BICC1: variants seen among roughly 807,000 people sequenced by gnomAD.
BICC1 encodes the protein BicC family RNA binding protein 1.
BICC1 carries 43 observed loss-of-function variants against 111.0 expected under a neutral mutation model. The observed-to-expected ratio is 0.39, with a 90% CI of 0.30 to 0.50. The LOEUF (loss-of-function observed/expected upper bound fraction) is 0.50, where lower values mean the gene tolerates loss of function less well. Among genes scored for constraint, BICC1 ranks in the 20% least tolerant of loss-of-function variants. BICC1 has a pLI of 0.88. For synonymous variants in BICC1, 467 were observed against 434.4 expected (o/e 1.07, Z -0.93); for missense variants, 1,091 against 1,203.2 (o/e 0.91, Z 1.38).
intron 1 of BICC1, among the ~76,000 whole-genome samples, chr10:58,620,636 G>C (rs181430325): frequency 6.6e-6 from 1 of 152,136 alleles, no homozygotes; most frequent in Non-Finnish European, 1.5e-5. Context: ...TTCAGACAAA[G>C]CAAAAGAGTG....
chr10:58,795,152 A>G (rs1843313007), intron 9 of BICC1, among the ~76,000 whole-genome samples: 1 of 152,170 alleles, frequency 6.6e-6, no homozygotes, highest in Non-Finnish European at 1.5e-5. Flanking sequence ...AAATAACACC[A>G]TTTTTAAATT....
intron 2 of BICC1, among the ~76,000 whole-genome samples, chr10:58,658,210 CAG>C (rs1311919108): frequency 1.3e-5 from 2 of 152,202 alleles, no homozygotes; most frequent in African/African-American, 2.4e-5. Flanking sequence ...TTTTTTGAGA[CAG>C]AGTCTCAGTC....
intron 1 of BICC1, among the ~76,000 whole-genome samples, chr10:58,608,301 C>T (rs1482949791): frequency 6.6e-6 from 1 of 152,206 alleles, no homozygotes; most frequent in Non-Finnish European, 1.5e-5. Context: ...TGTTCGCCAG[C>T]TTACGGGATT....
At chr10:58,518,374 A>G (rs187773492) in intron 1 of BICC1, among the ~76,000 whole-genome samples, 7 of 152,146 alleles carry the variant, frequency 4.6e-5, no homozygotes, top group Admixed American at 3.9e-4. Flanking sequence ...TAATAGTCCT[A>G]CTTTACGGTG....
intron 1 of BICC1, among the ~76,000 whole-genome samples, chr10:58,613,196 G>T (rs1466959849): frequency 6.6e-6 from 1 of 152,154 alleles, no homozygotes; most frequent in Non-Finnish European, 1.5e-5. Context: ...CCGGAGTTGT[G>T]TGTCATGAAA....
intron 2 of BICC1, among the ~76,000 whole-genome samples, chr10:58,634,203 G>C (rs150091440): frequency 1.1e-4 from 17 of 152,090 alleles, no homozygotes; most frequent in African/African-American, 4.1e-4. Flanking sequence ...ATGTTAGCCA[G>C]ACTGTTCTCA....
intron 3 of BICC1, among the ~76,000 whole-genome samples, chr10:58,773,359 T>G (rs912239395): frequency 6.6e-6 from 1 of 152,194 alleles, no homozygotes; most frequent in Non-Finnish European, 1.5e-5. Flanking sequence ...GGGTGTTGTG[T>G]CAGTCTCACT....
chr10:58,758,102 C>T (rs908088642), intron 3 of BICC1, among the ~76,000 whole-genome samples: 1 of 152,108 alleles, frequency 6.6e-6, no homozygotes, highest in Non-Finnish European at 1.5e-5. Context: ...TAAAGTCATC[C>T]TATGAATGAT....
intron 3 of BICC1, among the ~76,000 whole-genome samples, chr10:58,743,876 A>C (rs1048215307): frequency 6.6e-6 from 1 of 151,626 alleles, no homozygotes; most frequent in Admixed American, 6.6e-5. Context: ...GCCAGACTTT[A>C]AGGCAGTGTT....
At chr10:58,801,889 C>CT (rs538939719) in intron 14 of BICC1, among the ~76,000 whole-genome samples, 4 of 152,078 alleles carry the variant, frequency 2.6e-5, no homozygotes, top group Non-Finnish European at 5.9e-5. Flanking sequence ...TCATTATAGG[C>CT]TAGAGAAACA....
intron 1 of BICC1, among the ~76,000 whole-genome samples, chr10:58,603,985 A>C (rs978900698): frequency 9.2e-5 from 14 of 152,160 alleles, no homozygotes; most frequent in Non-Finnish European, 1.6e-4. Flanking sequence ...AAATAAGTTC[A>C]GATCTATATT....
chr10:58,802,870 G>A (rs1232156368), intron 14 of BICC1, among the ~76,000 whole-genome samples: 2 of 152,178 alleles, frequency 1.3e-5, no homozygotes, highest in East Asian at 1.9e-4. Context: ...CACATTAGAG[G>A]TATGACCTTG....
chr10:58,570,551 T>G (rs1843916670), intron 1 of BICC1, among the ~76,000 whole-genome samples: 1 of 152,114 alleles, frequency 6.6e-6, no homozygotes, highest in Non-Finnish European at 1.5e-5. Flanking sequence ...AGATGCAGAG[T>G]TACTTACTTC....
At chr10:58,552,035 A>G (rs1564484176) in intron 1 of BICC1, among the ~76,000 whole-genome samples, 1 of 151,292 alleles carries the variant, frequency 6.6e-6, no homozygotes, top group Non-Finnish European at 1.5e-5. Flanking sequence ...TTTAATGCTC[A>G]TTTTGTGTGC....
chr10:58,621,498 T>G (rs1845805039), intron 2 of BICC1, among the ~76,000 whole-genome samples: 1 of 140,898 alleles, frequency 7.1e-6, no homozygotes, highest in South Asian at 2.3e-4. Context: ...GGGGCAGGCT[T>G]AGCAACAAGG....
chr10:58,658,736 C>T (rs1291871860), intron 2 of BICC1, among the ~76,000 whole-genome samples: 1 of 152,034 alleles, frequency 6.6e-6, no homozygotes, highest in Non-Finnish European at 1.5e-5. Flanking sequence ...AGTAGGAGAC[C>T]TTTCAGGTTG....
At chr10:58,749,741 C>G (rs1411292836) in intron 3 of BICC1, among the ~76,000 whole-genome samples, 1 of 152,062 alleles carries the variant, frequency 6.6e-6, no homozygotes, top group Admixed American at 6.6e-5. Flanking sequence ...TTGAATAAAT[C>G]AAGGATTGAA....
chr10:58,620,208 T>C (rs1845756552), intron 1 of BICC1, among the ~76,000 whole-genome samples: 1 of 151,748 alleles, frequency 6.6e-6, no homozygotes, highest in Non-Finnish European at 1.5e-5. Context: ...GACTGAGAAA[T>C]GGGTTTGTCT....
chr10:58,528,860 C>T (rs1338475305), intron 1 of BICC1, among the ~76,000 whole-genome samples: 1 of 151,914 alleles, frequency 6.6e-6, no homozygotes, highest in Non-Finnish European at 1.5e-5. Context: ...GTTCTCCATA[C>T]ATGAGTAGCT....
Sources: allele counts gnomAD v4.1 joint callset (sites outside exome capture counted in the v4.1 genomes callset), GRCh38; gene constraint gnomAD v4.1.1; transcripts MANE v1.5; gene names NCBI Gene and HGNC (gene_info 2026-07-23, HGNC 2026-07-21).